Variants in CNST observed in about 807,000 individuals in gnomAD.
The protein encoded by CNST is consortin, connexin sorting protein.
Under a neutral mutation model 72.4 loss-of-function variants are expected in CNST, and 39 were observed. The observed-to-expected ratio is 0.54, with a 90% CI of 0.42 to 0.70. The LOEUF is 0.70. Among genes scored for constraint, CNST ranks in the 30% least tolerant of loss-of-function variants. The probability of loss-of-function intolerance (pLI) is 0.00; values close to 1 mark genes in which losing one functional copy is unlikely to be tolerated. For synonymous variants in CNST, 332 were observed against 320.1 expected (o/e 1.04, Z -0.40); for missense variants, 871 against 868.5 (o/e 1.00, Z -0.04).
At chr1:246,660,095 CT>C in intron 9 of CNST, 103 bp from the exon 10 acceptor site, 1 of 897,386 alleles carries the variant, frequency 1.1e-6, no homozygotes. Flanking sequence ...TTGGATACCC[CT>C]GTAATAAAAA....
At chr1:246,599,163 A>C (rs1662090894) in intron 2 of CNST, among the ~76,000 whole-genome samples, 1 of 151,604 alleles carries the variant, frequency 6.6e-6, no homozygotes, top group Non-Finnish European at 1.5e-5. Flanking sequence ...GTCACTAGCC[A>C]AAACTGTCTT....
intron 2 of CNST, among the ~76,000 whole-genome samples, chr1:246,621,000 A>G (rs1183948201): frequency 2.6e-5 from 4 of 152,260 alleles, no homozygotes; most frequent in Non-Finnish European, 4.4e-5. Flanking sequence ...CAGATAGTCT[A>G]TTAAATTTGA....
intron 9 of CNST, among the ~76,000 whole-genome samples, chr1:246,654,684 A>G (rs1282465339): frequency 6.6e-6 from 1 of 152,248 alleles, no homozygotes; most frequent in East Asian, 1.9e-4. Context: ...TATACACAGT[A>G]AGGCTTTTTT....
At chr1:246,625,504 C>G (rs921583067) in intron 3 of CNST, among the ~76,000 whole-genome samples, 1 of 145,358 alleles carries the variant, frequency 6.9e-6, no homozygotes, top group Non-Finnish European at 1.5e-5. Context: ...CCACTGTAAC[C>G]TCCACCTCCC....
Position 246,660,319 on chromosome 1 carries a change from G to T in CNST, c.1957G>T (p.Asp653Tyr). Reference sequence around the variant, plus strand: ...AAGAGTGAGATTCCAAGAAATAGACGATAGCTTGGATCAAGGTAAACCGCT... The same window carrying T: ...AAGAGTGAGATTCCAAGAAATAGACTATAGCTTGGATCAAGGTAAACCGCT... ...KRRVRFQEID[D>Y]SLDQDEVGGG... Residue 653 changes from aspartate to tyrosine, a missense_variant, in exon 10 of 11, where the codon GAT becomes TAT. Coordinates refer to ENST00000366513, the MANE Select transcript of CNST (RefSeq NM_152609.3). 1 of 1,613,716 alleles carries T rather than the reference G, an allele frequency of 6.2e-7. No homozygotes were observed. Among genetic ancestry groups the T allele is most frequent in the Non-Finnish European group, 8.5e-7 (1 of 1,179,898 alleles).
intron 9 of CNST, among the ~76,000 whole-genome samples, chr1:246,650,459 A>G (rs1307047445): frequency 6.6e-6 from 1 of 152,214 alleles, no homozygotes; most frequent in Non-Finnish European, 1.5e-5. Context: ...TCTGAAAAGC[A>G]TGGTTTAACA....
chr1:246,642,127 G>GTT, intron 8 of CNST, 90 bp downstream of exon 8: 1 of 358,564 alleles, frequency 2.8e-6, no homozygotes, highest in East Asian at 5.8e-5. Flanking sequence ...TGCTGCAAAG[G>GTT]ATCTGGTTTT....
intron 3 of CNST, among the ~76,000 whole-genome samples, chr1:246,623,552 G>A (rs1380808755): frequency 6.6e-6 from 1 of 152,092 alleles, no homozygotes; most frequent in Non-Finnish European, 1.5e-5. Context: ...AGAAGTTCAA[G>A]ACCAGCCTGG....
Position 246,647,900 on chromosome 1 carries a change from G to T in CNST, c.1699G>T (p.Asp567Tyr). ...TACTGAAGATTCCCTTTCCTATGAA[G>T]ATAACCAAGACGACGACTCCGATCT... ...KDTEDSLSYE[D>Y]NQDDDSDLLQ... Residue 567 changes from aspartate (D) to tyrosine (Y), a missense_variant, in exon 9 of 11, where the codon GAT becomes TAT. Physicochemically the swap from Asp to Tyr is radical, Grantham distance 160 (BLOSUM62 -3). Coordinates refer to ENST00000366513, the MANE Select transcript of CNST (RefSeq NM_152609.3). The T allele has an allele frequency of 6.2e-7, 1 of 1,613,990 alleles. No individual in the cohort carries two copies. The highest frequency in any genetic ancestry group is 8.5e-7 in the Non-Finnish European group (1 of 1,180,006).
At position 246,667,761 on chromosome 1, in the gene CNST, C is replaced by G. The variant is rs1329151494; in HGVS notation, c.*1856C>G. 1 of 152,216 alleles carries G rather than the reference C, an allele frequency of 6.6e-6. No individual in the cohort carries two copies. Among genetic ancestry groups the G allele is most frequent in the Admixed American group, 6.5e-5 (1 of 15,288 alleles). The allele number at this position is 152,216 out of a possible 1,614,324, so 9.4% of individuals were successfully genotyped here. ...CATCCTCATCATAGACAAACCTCCT[C>G]TGTTTTATCCTCAATTTCTAGTTAC... On this transcript the variant is annotated 3_prime_UTR_variant, in exon 11 of 11. Transcript: ENST00000366513.
intron 1 of CNST, among the ~76,000 whole-genome samples, chr1:246,567,753 T>A (rs1659810255): frequency 6.6e-6 from 1 of 152,180 alleles, no homozygotes; most frequent in Admixed American, 6.5e-5. Context: ...TGGTCTTAAT[T>A]TGCTTAAATT....
intron 1 of CNST, among the ~76,000 whole-genome samples, chr1:246,570,511 A>C (rs1660002675): frequency 6.6e-6 from 1 of 152,202 alleles, no homozygotes; most frequent in African/African-American, 2.4e-5. Context: ...AGTATGAAGA[A>C]ATTTTAAATT....
intron 2 of CNST, among the ~76,000 whole-genome samples, chr1:246,609,765 C>A (rs1287801498): frequency 6.6e-6 from 1 of 152,218 alleles, no homozygotes; most frequent in Non-Finnish European, 1.5e-5. Context: ...AGATATGCAT[C>A]AGCATTAATG....
intron 1 of CNST, among the ~76,000 whole-genome samples, chr1:246,578,984 T>C (rs185535216): frequency 6.6e-6 from 1 of 152,364 alleles, no homozygotes; most frequent in East Asian, 1.9e-4. Context: ...TTGTGAGGAA[T>C]TGTTACTATA....
At chr1:246,658,273 CCT>C (rs113211705) in intron 9 of CNST, among the ~76,000 whole-genome samples, 6,916 of 152,120 alleles carry the variant, frequency 0.045, 386 homozygotes, top group East Asian at 0.18. Context: ...AGACTGTTTC[CCT>C]CTCAGTGTCA....
intron 8 of CNST, among the ~76,000 whole-genome samples, chr1:246,645,887 G>T (rs1034768113): frequency 6.6e-6 from 1 of 152,122 alleles, no homozygotes; most frequent in Non-Finnish European, 1.5e-5. Flanking sequence ...AAATAAGTTG[G>T]TTTTACTCAA....
chr1:246,594,925 C>T (rs1040191776), intron 2 of CNST, among the ~76,000 whole-genome samples: 2 of 152,086 alleles, frequency 1.3e-5, no homozygotes, highest in African/African-American at 4.8e-5. Flanking sequence ...CCTTTTTAAG[C>T]TGTGAGTTTC....
In CNST at chr1:246,566,674, G is replaced by A. The variant is rs1659702170; in HGVS notation, c.-52+11G>A. ...GCCTCCGATTCCCAGGTGAGGAGAG[G>A]AGGAGCGGGATGCAGGGGACCCGCC... On this transcript the variant is annotated intron_variant, in intron 1 of 10. Transcript: ENST00000366513. The A allele has an allele frequency of 2.5e-6, 1 of 401,608 alleles. No individual in the cohort carries two copies. Among genetic ancestry groups the A allele is most frequent in the African/African-American group, 2.1e-5 (1 of 48,660 alleles). The allele number at this position is 401,608 out of a possible 1,614,324, so 24.9% of individuals were successfully genotyped here. A position where few individuals can be genotyped will look rare whatever the true frequency, so the allele number is the denominator to read the frequency against.
intron 2 of CNST, chr1:246,605,974 G>GC (rs200718897): frequency 6.6e-6 from 1 of 151,600 alleles, no homozygotes; most frequent in Non-Finnish European, 1.5e-5. Context: ...CAAGCTTTCG[G>GC]CCCCGGGGAG....
Sources: allele counts gnomAD v4.1 joint callset (sites outside exome capture counted in the v4.1 genomes callset), GRCh38; gene constraint gnomAD v4.1.1; transcripts MANE v1.5; gene names NCBI Gene and HGNC (gene_info 2026-07-23, HGNC 2026-07-21).